Variants in EYA2 observed in about 807,000 individuals in gnomAD.
EYA2 encodes the protein EYA transcriptional coactivator and phosphatase 2, also known as protein phosphatase EYA2.
Under a neutral mutation model 69.2 loss-of-function variants are expected in EYA2, and 31 were observed. That is an observed-to-expected ratio of 0.45 (90% CI 0.34 to 0.60). The LOEUF is 0.60. Ranked by LOEUF, EYA2 falls within the 20% of genes least tolerant of loss-of-function variation. EYA2 has a pLI of 0.02. For missense variants in EYA2, 622 were observed against 701.2 expected, an observed-to-expected ratio of 0.89 and a Z score of 1.28; for synonymous variants, 257 against 279.4, an observed-to-expected ratio of 0.92 and a Z score of 0.80.
intron 2 of EYA2, among the ~76,000 whole-genome samples, chr20:47,001,201 A>AT (rs1982345817): frequency 6.6e-6 from 1 of 151,906 alleles, no homozygotes; most frequent in Admixed American, 6.6e-5. Flanking sequence ...TTTAGATGTC[A>AT]TTTTTCCTTA....
intron 5 of EYA2, among the ~76,000 whole-genome samples, chr20:47,058,047 G>C (rs1460513379): frequency 6.6e-6 from 1 of 152,228 alleles, no homozygotes; most frequent in East Asian, 1.9e-4. Context: ...TATTTATCCA[G>C]CTGCTAATGC....
At chr20:46,967,399 C>T (rs2146295280) in intron 1 of EYA2, among the ~76,000 whole-genome samples, 1 of 152,328 alleles carries the variant, frequency 6.6e-6, no homozygotes, top group East Asian at 1.9e-4. Flanking sequence ...CAATTAAATA[C>T]TCAGCTGTTA....
intron 8 of EYA2, among the ~76,000 whole-genome samples, chr20:47,094,046 G>C (rs1381968531): frequency 6.6e-6 from 1 of 152,160 alleles, no homozygotes. Context: ...GGTTAAGGAC[G>C]CACCCTGGTC....
chr20:46,898,394 A>AACACACACACACACACACACAC (rs3085766), intron 1 of EYA2, among the ~76,000 whole-genome samples: 4 of 146,468 alleles, frequency 2.7e-5, no homozygotes, highest in South Asian at 4.4e-4. Flanking sequence ...GTTGACAGAA[A>AACACACACACACACACACACAC]ACACACACAC....
intron 5 of EYA2, among the ~76,000 whole-genome samples, chr20:47,025,355 A>G (rs1312465663): frequency 6.6e-6 from 1 of 152,178 alleles, no homozygotes; most frequent in Non-Finnish European, 1.5e-5. Flanking sequence ...ATGGCCTTTC[A>G]AGAAAGCATT....
At chr20:47,016,092 G>A (rs1983390369) in intron 4 of EYA2, 89 bp from the exon 5 acceptor site, 2 of 972,664 alleles carry the variant, frequency 2.1e-6, no homozygotes, top group African/African-American at 1.6e-5. Flanking sequence ...ATTGCATGCT[G>A]TCTTGACCCA....
At chr20:46,990,765 T>C (rs1452027554) in intron 2 of EYA2, among the ~76,000 whole-genome samples, 2 of 152,250 alleles carry the variant, frequency 1.3e-5, no homozygotes, top group Admixed American at 6.5e-5. Flanking sequence ...TAACCCTTTC[T>C]TTGGCCAGCT....
chr20:46,937,587 TTGTC>T (rs1316827020), intron 1 of EYA2, among the ~76,000 whole-genome samples: 1 of 152,094 alleles, frequency 6.6e-6, no homozygotes, highest in Non-Finnish European at 1.5e-5. Flanking sequence ...AAACCTATAA[TTGTC>T]TGTTTCTCCT....
chr20:46,988,298 G>T (rs1056401716), intron 1 of EYA2, among the ~76,000 whole-genome samples: 3 of 151,794 alleles, frequency 2.0e-5, no homozygotes, highest in African/African-American at 7.3e-5. Context: ...CATTTAAGTT[G>T]CTATTAAAAT....
At chr20:47,111,343 A>G (rs1295163305) in intron 9 of EYA2, among the ~76,000 whole-genome samples, 2 of 152,240 alleles carry the variant, frequency 1.3e-5, no homozygotes, top group Non-Finnish European at 2.9e-5. Flanking sequence ...ACTTAGTGGC[A>G]TAAAACAATA....
chr20:47,133,113 G>A (rs1397058955), intron 9 of EYA2, among the ~76,000 whole-genome samples: 2 of 152,174 alleles, frequency 1.3e-5, no homozygotes, highest in African/African-American at 4.8e-5. Context: ...ATGTCCAAAC[G>A]TAGACCTAAA....
intron 1 of EYA2, among the ~76,000 whole-genome samples, chr20:46,911,696 G>C (rs917421895): frequency 5.3e-5 from 8 of 152,200 alleles, no homozygotes; most frequent in African/African-American, 1.9e-4. Context: ...GCCAGATGCA[G>C]AAACACAAAT....
chr20:47,099,623 A>T (rs554854469), intron 9 of EYA2, among the ~76,000 whole-genome samples: 1 of 152,316 alleles, frequency 6.6e-6, no homozygotes, highest in East Asian at 1.9e-4. Flanking sequence ...AGTTGAGGGG[A>T]CGTGGAGCTG....
chr20:46,942,424 A>AG (rs1257170043), intron 1 of EYA2, among the ~76,000 whole-genome samples: 14 of 152,040 alleles, frequency 9.2e-5, no homozygotes, highest in African/African-American at 2.2e-4. Flanking sequence ...TACCATTTTT[A>AG]GGGGGGGAAA....
intron 6 of EYA2, among the ~76,000 whole-genome samples, chr20:47,073,460 G>GT (rs1234366550): frequency 6.6e-6 from 1 of 151,744 alleles, no homozygotes; most frequent in East Asian, 1.9e-4. Context: ...TCGTGTGGGT[G>GT]TGTGTGCGGT....
intron 1 of EYA2, among the ~76,000 whole-genome samples, chr20:46,988,925 T>C (rs888781960): frequency 6.6e-6 from 1 of 152,076 alleles, no homozygotes; most frequent in African/African-American, 2.4e-5. Flanking sequence ...AGGCTGGTCT[T>C]GAACTCCTGG....
At chr20:47,072,119 A>G in intron 5 of EYA2, 66 bp from the exon 6 acceptor site, 2 of 1,449,988 alleles carry the variant, frequency 1.4e-6, no homozygotes, top group Non-Finnish European at 1.9e-6. Flanking sequence ...TGAAATGCTA[A>G]CAACTGCTTT....
intron 5 of EYA2, among the ~76,000 whole-genome samples, chr20:47,028,948 AT>A (rs1984249779): frequency 6.6e-6 from 1 of 152,188 alleles, no homozygotes; most frequent in Admixed American, 6.5e-5. Flanking sequence ...AAAAAAACAA[AT>A]GCCAGAAATC....
intron 1 of EYA2, among the ~76,000 whole-genome samples, chr20:46,957,336 C>G (rs1979189785): frequency 6.6e-6 from 1 of 152,114 alleles, no homozygotes; most frequent in African/African-American, 2.4e-5. Context: ...CTAGTCAATA[C>G]CAGGCTGAAT....
Sources: allele counts gnomAD v4.1 joint callset (sites outside exome capture counted in the v4.1 genomes callset), GRCh38; gene constraint gnomAD v4.1.1; transcripts MANE v1.5; gene names NCBI Gene and HGNC (gene_info 2026-07-23, HGNC 2026-07-21).